The following AFAP1L2 variants were observed in gnomAD, a reference collection of about 807,000 sequenced individuals.
AFAP1L2 encodes the protein actin filament associated protein 1 like 2, also known as actin filament-associated protein 1-like 2.
In AFAP1L2, 46 loss-of-function variants were observed where a neutral mutation model predicts 99.3. That is an observed-to-expected ratio of 0.46 (90% CI 0.37 to 0.59). The LOEUF is 0.59. AFAP1L2 is among the 20% of genes least tolerant of loss of function. The pLI is 0.00. For synonymous variants in AFAP1L2, 397 were observed against 419.1 expected (o/e 0.95, Z 0.64); for missense variants, 959 against 1,034.9 (o/e 0.93, Z 1.01).
At chr10:114,366,911 G>A (rs1252872095) in intron 1 of AFAP1L2, among the ~76,000 whole-genome samples, 1 of 152,210 alleles carries the variant, frequency 6.6e-6, no homozygotes, top group Non-Finnish European at 1.5e-5. Context: ...GCGGTGCAGT[G>A]AGTTGAGATC....
chr10:114,326,872 A>T (rs1019765783), intron 4 of AFAP1L2, among the ~76,000 whole-genome samples: 23 of 151,998 alleles, frequency 1.5e-4, no homozygotes, highest in African/African-American at 5.5e-4. Context: ...AAAAAATAAA[A>T]TGTAAAAATA....
chr10:114,315,438 TCTC>T (rs569200030), intron 6 of AFAP1L2, 119 bp downstream of exon 6: 7 of 948,296 alleles, frequency 7.4e-6, no homozygotes, highest in South Asian at 1.7e-5. Flanking sequence ...GAAGTTAAAA[TCTC>T]CTGACATAAA....
Position 114,297,353 on chromosome 10 carries a change from C to T in AFAP1L2, c.2174G>A (p.Gly725Asp), listed in dbSNP as rs149846490. 4.3e-3 allele frequency: 6,900 copies of T among 1,613,808 alleles called. 20 individuals carry two copies. Among genetic ancestry groups the T allele is most frequent in the Non-Finnish European group, 5.4e-3 (6,326 of 1,180,020 alleles). Residue 725 changes from glycine to aspartate, a missense_variant, in exon 17 of 19, where the codon GGC (glycine) becomes GAC (aspartate). Coordinates refer to ENST00000304129, the MANE Select transcript of AFAP1L2 (RefSeq NM_001001936.3). ...CAGGTCCACGCGCCTGCTCTCCTCG[C>T]CCCGGCACTCCTCGTCAATTTCCTT... ...KLKEIDEECR[G>D]EESRRVDLEL...
chr10:114,282,601 C>A, the AFAP1L2 span: 4 of 1,604,756 alleles, frequency 2.5e-6, no homozygotes, highest in Non-Finnish European at 3.4e-6. Context: ...TTTACAGGTT[C>A]TTTCAGGGCC....
At chr10:114,348,417 G>C (rs573131908) in intron 1 of AFAP1L2, among the ~76,000 whole-genome samples, 1 of 152,184 alleles carries the variant, frequency 6.6e-6, no homozygotes, top group South Asian at 2.1e-4. Context: ...AATAGCTTTC[G>C]GAGTCTGACT....
At chr10:114,368,102 T>C (rs891855030) in intron 1 of AFAP1L2, among the ~76,000 whole-genome samples, 1 of 152,222 alleles carries the variant, frequency 6.6e-6, no homozygotes, top group Non-Finnish European at 1.5e-5. Flanking sequence ...GTGTGGCATA[T>C]ATACACAATG....
intron 1 of AFAP1L2, among the ~76,000 whole-genome samples, chr10:114,381,177 C>A (rs2055565479): frequency 6.6e-6 from 1 of 152,180 alleles, no homozygotes; most frequent in South Asian, 2.1e-4. Flanking sequence ...TATAGCCATA[C>A]AACAGAATAT....
chr10:114,295,752 T>C lies in AFAP1L2; in HGVS notation c.*290A>G, dbSNP rs950567940. ...CTATTTAAAAATCTTAGTAAAGCAATTGATGACAACTTCAAAAAAGAAAGA... is the reference window on the plus strand; with the variant it reads ...CTATTTAAAAATCTTAGTAAAGCAACTGATGACAACTTCAAAAAAGAAAGA... On this transcript the variant is annotated 3_prime_UTR_variant, in exon 19 of 19. Coordinates refer to ENST00000304129, the MANE Select transcript of AFAP1L2 (RefSeq NM_001001936.3). 2.6e-6 allele frequency: 3 copies of C among 1,151,212 alleles called. No individual in the cohort carries two copies. The highest frequency in any genetic ancestry group is 3.2e-5 in the African/African-American group (2 of 62,394). 71.3% of individuals were successfully genotyped at this position (1,151,212 alleles called of 1,614,324 possible). A position where few individuals can be genotyped will look rare whatever the true frequency, so the allele number is the denominator to read the frequency against.
intron 8 of AFAP1L2, 124 bp from the exon 9 acceptor site, chr10:114,308,641 T>C (rs2042772421): frequency 5.0e-6 from 4 of 806,682 alleles, no homozygotes; most frequent in Non-Finnish European, 7.8e-6. Context: ...AGCAAATCCC[T>C]GCCGGCCACC....
At chr10:114,327,169 ATATATTT>A (rs2046465992) in intron 4 of AFAP1L2, among the ~76,000 whole-genome samples, 1 of 75,564 alleles carries the variant, frequency 1.3e-5, no homozygotes, top group African/African-American at 3.9e-5. Flanking sequence ...ATATATATAT[ATATATTT>A]TTTTTTTAGG....
rs766247748 is a variant in AFAP1L2, at chr10:114,313,864, C to T, written c.792+7G>A. On this transcript the variant is annotated splice_region_variant and intron_variant, in intron 7 of 18. Coordinates refer to ENST00000304129, the MANE Select transcript of AFAP1L2 (RefSeq NM_001001936.3). ...AACCCCTCCAAGTGGCTCGGTGTCGCCCTCACCCTGAGCCACTGCTCAGCC... is the reference window on the plus strand; with the variant it reads ...AACCCCTCCAAGTGGCTCGGTGTCGTCCTCACCCTGAGCCACTGCTCAGCC... 1.3e-6 allele frequency: 2 copies of T among 1,597,102 alleles called. No individual in the cohort carries two copies. The highest frequency in any genetic ancestry group is 1.7e-6 in the Non-Finnish European group (2 of 1,170,098).
rs1177630053 is a variant in AFAP1L2, at chr10:114,301,377, C to A, written c.1519G>T (p.Asp507Tyr). The A allele has an allele frequency of 6.2e-7, 1 of 1,614,198 alleles. No individual in the cohort carries two copies. The highest frequency in any genetic ancestry group is 2.2e-5 in the East Asian group (1 of 44,886). Residue 507 changes from aspartate (D) to tyrosine (Y), a missense_variant, in exon 13 of 19, where the codon GAC becomes TAC. Physicochemically the swap from Asp to Tyr is radical, Grantham distance 160 (BLOSUM62 -3). Coordinates refer to ENST00000304129, the MANE Select transcript of AFAP1L2 (RefSeq NM_001001936.3). ...ACCGCAGCTGTGAGCTCTGACAGGT[C>A]CACGTCGTCATACAGCTCCTCCTGG... ...DRQEELYDDV[D>Y]LSELTAAVEP...
At chr10:114,329,478 G>A (rs568299978) in intron 4 of AFAP1L2, among the ~76,000 whole-genome samples, 1 of 152,190 alleles carries the variant, frequency 6.6e-6, no homozygotes, top group African/African-American at 2.4e-5. Context: ...AGCTGCCCCT[G>A]GTGGGGCAGA....
At chr10:114,310,550 G>A (rs916884451) in intron 7 of AFAP1L2, 107 bp from the exon 8 acceptor site, 3 of 970,770 alleles carry the variant, frequency 3.1e-6, no homozygotes, top group African/African-American at 3.3e-5. Context: ...GGGTGGAGGT[G>A]AGAGAGAAGA....
Position 114,319,696 on chromosome 10 carries a change from G to A in AFAP1L2, c.406+3475C>T. The A allele has an allele frequency of 4.8e-6, 6 of 1,238,664 alleles. No individual in the cohort carries two copies. In the South Asian group the frequency reaches 5.0e-5, roughly 10 times the overall value. 76.7% of individuals were successfully genotyped at this position (1,238,664 alleles called of 1,614,324 possible). ...AGAGGGAAGAGAAGAGAGACAGAAT[G>A]AAGAGAGGAGCACGCCCAAGTGCAG... On this transcript the variant is annotated intron_variant, in intron 5 of 18. Coordinates refer to ENST00000304129, the MANE Select transcript of AFAP1L2 (RefSeq NM_001001936.3).
rs1246666656 is a variant in AFAP1L2, at chr10:114,302,546, C to T, written c.1285-62G>A. The T allele has an allele frequency of 2.1e-5, 33 of 1,598,980 alleles. No homozygotes were observed. In the East Asian group the frequency reaches 5.8e-4, roughly 28 times the overall value. On this transcript the variant is annotated intron_variant, in intron 11 of 18. Transcript: ENST00000304129. ...GCAGTGCTGCCTGGTGCCAGCCCCT[C>T]CCCACCAGGCCATGACCGTACCCCT...
Position 114,299,247 on chromosome 10 carries a change from G to T in AFAP1L2, c.2113+13C>A. 6.2e-7 allele frequency: 1 copy of T among 1,613,728 alleles called. No homozygotes were observed. The highest frequency in any genetic ancestry group is 8.5e-7 in the Non-Finnish European group (1 of 1,179,880). The stretch of plus-strand genomic sequence containing the variant: ...CTGAGCTGAGGGTCCCTCCCCACTG[G>T]GGGCCCCCTTACCTGTGCATTTCAG... On this transcript the variant is annotated intron_variant, in intron 16 of 18. Coordinates refer to ENST00000304129, the MANE Select transcript of AFAP1L2 (RefSeq NM_001001936.3).
downstream of AFAP1L2, chr10:114,291,214 C>G (rs1206809046): frequency 6.4e-7 from 1 of 1,550,424 alleles, no homozygotes; most frequent in Non-Finnish European, 8.7e-7. Flanking sequence ...ACTTCCTTCC[C>G]CAGGATTCTT....
At position 114,397,917 on chromosome 10, in the gene AFAP1L2, C is replaced by T. The variant is rs761224922; in HGVS notation, c.16+6523G>A. ...AGGAAGTGAGAAGAGAACTCAGGGG[C>T]CTGCTTAGAAAACAGCAGAACAGGA... On this transcript the variant is annotated intron_variant, in intron 1 of 18. Coordinates refer to ENST00000304129, the MANE Select transcript of AFAP1L2 (RefSeq NM_001001936.3). Among the ~76,000 whole-genome samples, 6 of 152,276 alleles carry T rather than the reference C, an allele frequency of 3.9e-5. No individual in the cohort carries two copies. The East Asian group carries it at 7.7e-4, about 20-fold the overall frequency.
Sources: gnomAD v4.1 joint callset for allele counts (sites outside exome capture counted in the v4.1 genomes callset) on GRCh38, gnomAD v4.1.1 for gene constraint, MANE v1.5 for transcripts, NCBI Gene and HGNC (gene_info 2026-07-23, HGNC 2026-07-21) for gene names.